Variants in SHC3 observed in about 807,000 individuals in gnomAD.
SHC3 encodes the protein SHC-transforming protein 3.
Under a neutral mutation model 60.4 loss-of-function variants are expected in SHC3, and 15 were observed. The ratio of observed to expected loss-of-function variants is 0.25; its 90% CI spans 0.17 to 0.38. The LOEUF is 0.38. Among genes scored for constraint, SHC3 ranks in the 10% least tolerant of loss-of-function variants. The pLI, the probability that SHC3 is intolerant of heterozygous loss-of-function variation, is 1.00. For synonymous variants in SHC3, 294 were observed against 325.9 expected (o/e 0.90, Z 1.05); for missense variants, 677 against 786.1 (o/e 0.86, Z 1.66).
intron 10 of SHC3, among the ~76,000 whole-genome samples, chr9:89,039,311 T>C (rs1293695553): frequency 2.6e-5 from 4 of 152,244 alleles, no homozygotes; most frequent in Non-Finnish European, 5.9e-5. Flanking sequence ...ACTTGTTCGA[T>C]GTTAGTACAG....
In SHC3 at chr9:89,013,064, G is replaced by C. The variant is rs1826033398; in HGVS notation, c.*383C>G. On this transcript the variant is annotated 3_prime_UTR_variant, in exon 12 of 12. Transcript: ENST00000375835. ...TTGTGCTTATTAGGTAAAACTGCAGGCTACACCTTCCTAGTGGCATTTCCC... is the reference window on the plus strand; with the variant it reads ...TTGTGCTTATTAGGTAAAACTGCAGCCTACACCTTCCTAGTGGCATTTCCC... 1 of 153,858 alleles carries C rather than the reference G, an allele frequency of 6.5e-6. No individual in the cohort carries two copies. The highest frequency in any genetic ancestry group is 1.4e-5 in the Non-Finnish European group (1 of 69,744). 9.5% of individuals were successfully genotyped at this position (153,858 alleles called of 1,614,324 possible).
intron 2 of SHC3, among the ~76,000 whole-genome samples, chr9:89,094,123 AAAG>A (rs1323737906): frequency 6.6e-6 from 1 of 151,978 alleles, no homozygotes; most frequent in South Asian, 2.1e-4. Flanking sequence ...AAAAAAAAGA[AAAG>A]AAAAGATTTG....
At chr9:89,128,191 A>G (rs1826191804) in intron 1 of SHC3, among the ~76,000 whole-genome samples, 1 of 152,188 alleles carries the variant, frequency 6.6e-6, no homozygotes, top group Non-Finnish European at 1.5e-5. Flanking sequence ...GCTTTGAGAA[A>G]TAAAGTCAGT....
chr9:89,028,695 C>A (rs556565252), intron 11 of SHC3, among the ~76,000 whole-genome samples: 1 of 142,182 alleles, frequency 7.0e-6, no homozygotes, highest in African/African-American at 2.6e-5. Context: ...TAATCTATAT[C>A]TATATATTCT....
At chr9:89,171,367 T>C (rs1020692442) in intron 1 of SHC3, among the ~76,000 whole-genome samples, 1 of 152,174 alleles carries the variant, frequency 6.6e-6, no homozygotes, top group Non-Finnish European at 1.5e-5. Flanking sequence ...TTTGATAAAA[T>C]GAAGTTTGTC....
intron 1 of SHC3, among the ~76,000 whole-genome samples, chr9:89,114,789 G>T (rs1197394967): frequency 6.6e-6 from 1 of 152,088 alleles, no homozygotes; most frequent in Non-Finnish European, 1.5e-5. Context: ...CACCATTGTT[G>T]CAGAGTTATG....
chr9:89,160,080 G>A (rs1826681988), intron 1 of SHC3, among the ~76,000 whole-genome samples: 1 of 152,212 alleles, frequency 6.6e-6, no homozygotes, highest in African/African-American at 2.4e-5. Context: ...TGCTTCCCAA[G>A]GATTTTAACC....
At chr9:89,035,227 C>G (rs534265706) in intron 11 of SHC3, among the ~76,000 whole-genome samples, 68 of 152,304 alleles carry the variant, frequency 4.5e-4, no homozygotes, top group African/African-American at 1.5e-3. Flanking sequence ...TTGTCAGCCC[C>G]ACGACCTGGC....
At chr9:89,079,031 G>A (rs1190538929) in intron 2 of SHC3, among the ~76,000 whole-genome samples, 1 of 152,204 alleles carries the variant, frequency 6.6e-6, no homozygotes, top group Non-Finnish European at 1.5e-5. Flanking sequence ...ATCAGGACAA[G>A]CTTCCCATTT....
At chr9:89,086,589 G>A (rs1242744328) in intron 2 of SHC3, among the ~76,000 whole-genome samples, 1 of 152,116 alleles carries the variant, frequency 6.6e-6, no homozygotes, top group African/African-American at 2.4e-5. Flanking sequence ...TTTTATAGAG[G>A]CTTTGATCAT....
intron 1 of SHC3, among the ~76,000 whole-genome samples, chr9:89,160,079 A>G (rs1262854362): frequency 6.6e-6 from 1 of 152,236 alleles, no homozygotes; most frequent in African/African-American, 2.4e-5. Context: ...CTGCTTCCCA[A>G]GGATTTTAAC....
At position 89,037,996 on chromosome 9, in the gene SHC3, G is replaced by A; in HGVS notation, c.1653C>T (p.Gly551=). The A allele has an allele frequency of 6.2e-7, 1 of 1,607,158 alleles. No homozygotes were observed. The highest frequency in any genetic ancestry group is 8.5e-7 in the Non-Finnish European group (1 of 1,179,740). ...CCCACCCCCACTGGGTGCTCACCGT[G>A]CCTTCTGGGTCCACGAGCAGCAGGT... ...AKHLLLVDPE[G]TIRTKDRVFD... Residue 551 remains glycine (G), a synonymous_variant, in exon 11 of 12, where the codon GGC becomes GGT. Coordinates refer to ENST00000375835, the MANE Select transcript of SHC3 (RefSeq NM_016848.6).
At chr9:89,109,155 G>T in intron 2 of SHC3, 1 of 982,500 alleles carries the variant, frequency 1.0e-6, no homozygotes, top group Non-Finnish European at 1.2e-6. Flanking sequence ...TATCTTGTTA[G>T]TAAATGCAGC....
intron 6 of SHC3, among the ~76,000 whole-genome samples, chr9:89,057,570 TC>T (rs745932698): frequency 9.2e-5 from 14 of 152,100 alleles, no homozygotes; most frequent in Non-Finnish European, 8.8e-5. Context: ...GTTGAGGATG[TC>T]CAAAACAGTG....
chr9:89,047,583 G>A (rs1824794354), intron 7 of SHC3, among the ~76,000 whole-genome samples: 1 of 152,136 alleles, frequency 6.6e-6, no homozygotes. Flanking sequence ...AATGAGCTGA[G>A]GATTTGAGCA....
intron 1 of SHC3, among the ~76,000 whole-genome samples, chr9:89,149,181 G>A (rs1022251531): frequency 6.6e-6 from 1 of 152,132 alleles, no homozygotes; most frequent in Non-Finnish European, 1.5e-5. Context: ...ACACTGGTGT[G>A]GTAAGGATTT....
chr9:89,056,214 G>A (rs1157518896), intron 6 of SHC3, among the ~76,000 whole-genome samples: 1 of 152,194 alleles, frequency 6.6e-6, no homozygotes, highest in Non-Finnish European at 1.5e-5. Flanking sequence ...CAAAATGGAA[G>A]TAAATGTTAT....
intron 2 of SHC3, among the ~76,000 whole-genome samples, chr9:89,092,344 G>A (rs948969965): frequency 6.6e-6 from 1 of 152,144 alleles, no homozygotes; most frequent in African/African-American, 2.4e-5. Flanking sequence ...TTGGCCTGGC[G>A]CAGCGGCTCA....
intron 1 of SHC3, among the ~76,000 whole-genome samples, chr9:89,147,846 C>T (rs1205817644): frequency 6.6e-6 from 1 of 152,144 alleles, no homozygotes; most frequent in East Asian, 1.9e-4. Flanking sequence ...AATGTTGAGT[C>T]GGTGTCAGCC....
Sources: gnomAD v4.1 joint callset for allele counts (sites outside exome capture counted in the v4.1 genomes callset) on GRCh38, gnomAD v4.1.1 for gene constraint, MANE v1.5 for transcripts, NCBI Gene and HGNC (gene_info 2026-07-23, HGNC 2026-07-21) for gene names.